Variants in NR3C2 observed in about 807,000 individuals in gnomAD.
NR3C2 encodes mineralocorticoid receptor.
NR3C2 carries 15 observed loss-of-function variants against 86.4 expected under a neutral mutation model. The ratio of observed to expected loss-of-function variants is 0.17; its 90% CI spans 0.12 to 0.27. The LOEUF (loss-of-function observed/expected upper bound fraction) is 0.27, where lower values mean the gene tolerates loss of function less well. Ranked by LOEUF, NR3C2 falls within the 10% of genes least tolerant of loss-of-function variation. The pLI, the probability that NR3C2 is intolerant of heterozygous loss-of-function variation, is 1.00. For missense variants in NR3C2, 960 were observed against 1,195.6 expected, an observed-to-expected ratio of 0.80 and a Z score of 2.91; for synonymous variants, 458 against 450.5, an observed-to-expected ratio of 1.02 and a Z score of -0.21.
intron 6 of NR3C2, among the ~76,000 whole-genome samples, chr4:148,150,143 C>T (rs142538261): frequency 1.1e-3 from 160 of 152,312 alleles, no homozygotes; most frequent in Non-Finnish European, 2.0e-3. Flanking sequence ...AACAACCAAA[C>T]TGCCCATTAA....
chr4:148,425,077 AT>A (rs952570271), intron 2 of NR3C2, among the ~76,000 whole-genome samples: 3 of 151,966 alleles, frequency 2.0e-5, no homozygotes, highest in African/African-American at 7.2e-5. Context: ...AGTCAAAACA[AT>A]TTTTTTTGCT....
At chr4:148,333,458 T>C (rs28645256) in intron 2 of NR3C2, among the ~76,000 whole-genome samples, 51,286 of 151,800 alleles carry the variant, frequency 0.34, 9,930 homozygotes, top group African/African-American at 0.53. Flanking sequence ...CCTTTGTAGC[T>C]AGATATAACC....
chr4:148,215,867 C>A (rs1737508716), intron 3 of NR3C2, among the ~76,000 whole-genome samples: 1 of 149,888 alleles, frequency 6.7e-6, no homozygotes, highest in Non-Finnish European at 1.5e-5. Flanking sequence ...GCAAGCCCTG[C>A]CTCCTGGGTT....
chr4:148,435,544 G>A lies in NR3C2; in HGVS notation c.1317C>T (p.Thr439=), dbSNP rs533022541. The change falls in exon 2 of 9, where the codon ACC becomes ACT. Residue 439 remains threonine (T), a synonymous_variant. Transcript: ENST00000358102. ...QESTKHSCSG[T]SFKGNPTVNP... ...TTACTGTTGGATTCCCTTTAAAAGA[G>A]GTGCCTGAACATGAATGCTTGGTTG... The A allele has an allele frequency of 1.2e-6, 2 of 1,614,068 alleles. No homozygotes were observed. The highest frequency in any genetic ancestry group is 1.7e-6 in the Non-Finnish European group (2 of 1,180,030).
At chr4:148,328,756 C>T (rs1479024888) in intron 2 of NR3C2, among the ~76,000 whole-genome samples, 2 of 152,140 alleles carry the variant, frequency 1.3e-5, no homozygotes, top group Non-Finnish European at 2.9e-5. Context: ...AGGTTAAGTA[C>T]CACCAATGAG....
At chr4:148,271,733 C>T (rs187430331) in intron 2 of NR3C2, among the ~76,000 whole-genome samples, 1 of 151,948 alleles carries the variant, frequency 6.6e-6, no homozygotes, top group Non-Finnish European at 1.5e-5. Flanking sequence ...CTATTAGAGC[C>T]GTGGGTATAC....
intron 2 of NR3C2, among the ~76,000 whole-genome samples, chr4:148,366,731 G>A (rs115996664): frequency 1.8e-4 from 28 of 151,978 alleles, no homozygotes; most frequent in African/African-American, 6.8e-4. Context: ...TAAATCCAGA[G>A]GGACTACTCT....
At chr4:148,438,130 T>C (rs765416035) in intron 1 of NR3C2, among the ~76,000 whole-genome samples, 1 of 152,252 alleles carries the variant, frequency 6.6e-6, no homozygotes, top group Non-Finnish European at 1.5e-5. Context: ...AGTCTCTCTC[T>C]ATACAGTTTC....
At chr4:148,130,823 T>G (rs1368215426) in intron 6 of NR3C2, among the ~76,000 whole-genome samples, 4 of 93,568 alleles carry the variant, frequency 4.3e-5, no homozygotes, top group South Asian at 3.2e-4. Flanking sequence ...TGTTTTGTTT[T>G]TTTTTTTTTT....
chr4:148,129,538 T>G (rs1578914834), intron 6 of NR3C2, among the ~76,000 whole-genome samples: 1 of 152,230 alleles, frequency 6.6e-6, no homozygotes, highest in East Asian at 1.9e-4. Flanking sequence ...AAATATGTTT[T>G]GAAAATTAGA....
chr4:148,172,781 C>T (rs913906385), intron 4 of NR3C2, among the ~76,000 whole-genome samples: 2 of 152,080 alleles, frequency 1.3e-5, no homozygotes, highest in African/African-American at 4.8e-5. Flanking sequence ...CAAGAAATAA[C>T]CTATAAACAA....
At chr4:148,228,280 T>TAC (rs61297657) in intron 3 of NR3C2, among the ~76,000 whole-genome samples, 72,361 of 151,204 alleles carry the variant, frequency 0.48, 17,623 homozygotes, top group Middle Eastern at 0.62. Flanking sequence ...GCATTATTTA[T>TAC]ACACACACAC....
intron 4 of NR3C2, among the ~76,000 whole-genome samples, chr4:148,155,625 T>C (rs1236308412): frequency 6.6e-6 from 1 of 152,026 alleles, no homozygotes; most frequent in Non-Finnish European, 1.5e-5. Flanking sequence ...TACAAACAAA[T>C]GGAAGAACAT....
chr4:148,147,251 A>G (rs1419694113), intron 6 of NR3C2, among the ~76,000 whole-genome samples: 1 of 152,214 alleles, frequency 6.6e-6, no homozygotes, highest in Non-Finnish European at 1.5e-5. Flanking sequence ...ACCGAAGAAT[A>G]AGATCTTTGG....
At chr4:148,222,279 G>A (rs1031160540) in intron 3 of NR3C2, among the ~76,000 whole-genome samples, 13 of 151,950 alleles carry the variant, frequency 8.6e-5, no homozygotes, top group Middle Eastern at 3.2e-3. Flanking sequence ...GCAATTATGC[G>A]GAATGAAGAC....
chr4:148,434,632 A>T (rs1749947128), intron 2 of NR3C2, among the ~76,000 whole-genome samples: 1 of 152,252 alleles, frequency 6.6e-6, no homozygotes, highest in Admixed American at 6.5e-5. Context: ...GGTAACAGAT[A>T]CAGGATTCAA....
intron 2 of NR3C2, among the ~76,000 whole-genome samples, chr4:148,329,620 C>T (rs1744136050): frequency 6.6e-6 from 1 of 152,196 alleles, no homozygotes; most frequent in South Asian, 2.1e-4. Flanking sequence ...CTGCCATTTG[C>T]TAAACATCCA....
chr4:148,349,203 A>G (rs1745148532), intron 2 of NR3C2, among the ~76,000 whole-genome samples: 1 of 152,170 alleles, frequency 6.6e-6, no homozygotes, highest in Non-Finnish European at 1.5e-5. Context: ...ATGGTTTCAC[A>G]TACTCTGTCA....
chr4:148,355,716 G>A (rs1313474592), intron 2 of NR3C2, among the ~76,000 whole-genome samples: 1 of 152,202 alleles, frequency 6.6e-6, no homozygotes, highest in Non-Finnish European at 1.5e-5. Context: ...CTAAAGCTAG[G>A]AGGTCCACTA....
Sources: gnomAD v4.1 joint callset for allele counts (sites outside exome capture counted in the v4.1 genomes callset) on GRCh38, gnomAD v4.1.1 for gene constraint, MANE v1.5 for transcripts, NCBI Gene and HGNC (gene_info 2026-07-23, HGNC 2026-07-21) for gene names.